DENND2C: variants seen among roughly 807,000 people sequenced by gnomAD.
The protein encoded by DENND2C is DENN domain containing 2C, also known as DENN domain-containing protein 2C.
In DENND2C, 72 loss-of-function variants were observed where a neutral mutation model predicts 112.4. That is an observed-to-expected ratio of 0.64 (90% CI 0.53 to 0.78). The LOEUF is 0.78. DENND2C is among the 30% of genes least tolerant of loss of function. DENND2C has a pLI of 0.00. For synonymous variants in DENND2C, 329 were observed against 381.6 expected (o/e 0.86, Z 1.61); for missense variants, 992 against 1,113.8 (o/e 0.89, Z 1.56).
At chr1:114,631,519 C>G (rs1049186739) in intron 3 of DENND2C, among the ~76,000 whole-genome samples, 2 of 151,526 alleles carry the variant, frequency 1.3e-5, no homozygotes, top group African/African-American at 4.9e-5. Context: ...CGTGGTGGCT[C>G]ACGCCTGTAA....
intron 3 of DENND2C, among the ~76,000 whole-genome samples, chr1:114,627,295 T>G (rs541456080): frequency 1.1e-4 from 16 of 152,352 alleles, no homozygotes; most frequent in African/African-American, 3.4e-4. Flanking sequence ...AGTTCTACTG[T>G]ATACTTGTTA....
chr1:114,668,049 G>A (rs2101704548), intron 1 of DENND2C, among the ~76,000 whole-genome samples: 1 of 152,136 alleles, frequency 6.6e-6, no homozygotes, highest in Admixed American at 6.5e-5. Context: ...TAGCCCACTT[G>A]GTAGAATGGA....
intron 19 of DENND2C, 56 bp from the exon 20 acceptor site, chr1:114,587,529 C>T: frequency 6.3e-7 from 1 of 1,588,510 alleles, no homozygotes; most frequent in Non-Finnish European, 8.6e-7. Flanking sequence ...CTGGGAATTA[C>T]ATAAAATTCT....
rs569568632 is a variant in DENND2C, at chr1:114,611,672, T to C, written c.1325-555A>G. On this transcript the variant is annotated intron_variant, in intron 8 of 20. Transcript: ENST00000393274. ...CAAATTCTCACAGTACTCATACTGCTTTGAACTATTCTTACTTTCCCCAAT... is the reference window on the plus strand; with the variant it reads ...CAAATTCTCACAGTACTCATACTGCCTTGAACTATTCTTACTTTCCCCAAT... 5.9e-5 allele frequency among the ~76,000 whole-genome samples: 9 copies of C among 152,282 alleles called. No individual in the cohort carries two copies. In the South Asian group the frequency reaches 1.9e-3, roughly 32 times the overall value.
Position 114,623,089 on chromosome 1 carries a change from T to G in DENND2C, c.954A>C (p.Lys318Asn), listed in dbSNP as rs776400723. ...NIYEDIIYPT[K>N]ENPYEDIPVQ... Reference sequence around the variant, plus strand: ...CTGGAATATCTTCATATGGATTTTCTTTGGTGGGATCTTAAAAAATAATTT... The same window carrying G: ...CTGGAATATCTTCATATGGATTTTCGTTGGTGGGATCTTAAAAAATAATTT... Residue 318 changes from lysine to asparagine, a missense_variant, in exon 6 of 21, where the codon AAA becomes AAC. This residue lies in a region of DENND2C where 470 missense variants were observed against 472.7 expected (regional missense o/e 0.99). Coordinates refer to ENST00000393274, the MANE Select transcript of DENND2C (RefSeq NM_001256404.2). 1 of 1,606,284 alleles carries G rather than the reference T, an allele frequency of 6.2e-7. No homozygotes were observed. The highest frequency in any genetic ancestry group is 1.1e-5 in the South Asian group (1 of 88,780).
chr1:114,609,020 C>T, intron 9 of DENND2C, 147 bp from the exon 10 acceptor site: 2 of 879,754 alleles, frequency 2.3e-6, no homozygotes, highest in Non-Finnish European at 1.7e-6. Context: ...CATAGACATA[C>T]CTGTTAAGGC....
chr1:114,654,585 T>C lies in DENND2C; in HGVS notation c.-397A>G, dbSNP rs187447366. The C allele has an allele frequency of 6.6e-6, 1 of 152,260 alleles. No homozygotes were observed. The highest frequency in any genetic ancestry group is 2.4e-5 in the African/African-American group (1 of 41,550). The allele number at this position is 152,260 out of a possible 1,614,324, so 9.4% of individuals were successfully genotyped here. A position where few individuals can be genotyped will look rare whatever the true frequency, so the allele number is the denominator to read the frequency against. ...AGAATTAAAACAGCAAGAACAGTGA[T>C]TACACTTCATTAAATATTTTGTTAA... On this transcript the variant is annotated 5_prime_UTR_variant, in exon 2 of 21. Coordinates refer to ENST00000393274, the MANE Select transcript of DENND2C (RefSeq NM_001256404.2).
At chr1:114,661,106 CAAAAAA>C (rs61417132) in intron 1 of DENND2C, among the ~76,000 whole-genome samples, 1 of 102,678 alleles carries the variant, frequency 9.7e-6, no homozygotes, top group African/African-American at 3.7e-5. Flanking sequence ...GACTCCGTCT[CAAAAAA>C]AAAAAAAAAA....
In DENND2C at chr1:114,594,587, GA is replaced by G. The variant is rs761187927; in HGVS notation, c.2326-10del. 114 of 1,571,734 alleles carry G rather than the reference GA, an allele frequency of 7.3e-5. No individual in the cohort carries two copies. The highest frequency in any genetic ancestry group is 9.1e-5 in the East Asian group (4 of 44,044). On this transcript the variant is annotated splice_polypyrimidine_tract_variant and intron_variant, in intron 17 of 20. Coordinates refer to ENST00000393274, the MANE Select transcript of DENND2C (RefSeq NM_001256404.2). ...TCATCCTCATCAGATACCTTAAGAA[GA>G]AAAAAAAATGGAGATTTTTCTTTGT...
chr1:114,662,711 G>A (rs974485456), intron 1 of DENND2C, among the ~76,000 whole-genome samples: 1 of 152,132 alleles, frequency 6.6e-6, no homozygotes, highest in African/African-American at 2.4e-5. Context: ...TACCCCCAGC[G>A]CTTTGGGAGG....
Position 114,583,427 on chromosome 1 carries a change from C to G in DENND2C, c.*2173G>C, listed in dbSNP as rs1174635127. The G allele has an allele frequency of 1.3e-5, 2 of 152,066 alleles. No individual in the cohort carries two copies. The highest frequency in any genetic ancestry group is 2.9e-5 in the Non-Finnish European group (2 of 68,036). 9.4% of individuals were successfully genotyped at this position (152,066 alleles called of 1,614,324 possible). ...GCAGAAACTGAAGAAAACAAACTGA[C>G]ATTTGCTATAACATTAATCAATGAA... On this transcript the variant is annotated 3_prime_UTR_variant, in exon 21 of 21. Transcript: ENST00000393274.
At position 114,601,584 on chromosome 1, in the gene DENND2C, G is replaced by C; in HGVS notation, c.1739C>G (p.Pro580Arg). The change falls in exon 13 of 21, where the codon CCA (proline) becomes CGA (arginine). Residue 580 changes from proline (P) to arginine (R), a missense_variant and splice_region_variant. By Grantham distance (103) the Pro-to-Arg change is moderately radical. Transcript: ENST00000393274. ...RWFGYCKKLLPVGKGKRLPEV... is the reference protein window; with the variant it reads ...RWFGYCKKLLRVGKGKRLPEV... ...AGGGAGTCGCTTTCCTTTGCCTACT[G>C]GCTAAAAGATAAAAACAACAACAAC... The C allele has an allele frequency of 6.2e-7, 1 of 1,609,934 alleles. No individual in the cohort carries two copies. The highest frequency in any genetic ancestry group is 8.5e-7 in the Non-Finnish European group (1 of 1,178,150).
chr1:114,613,247 C>T (rs1655872100), intron 8 of DENND2C, among the ~76,000 whole-genome samples: 1 of 152,036 alleles, frequency 6.6e-6, no homozygotes, highest in African/African-American at 2.4e-5. Flanking sequence ...ATTAATTAAG[C>T]TTTTTTAAAA....
intron 15 of DENND2C, 91 bp from the exon 16 acceptor site, chr1:114,599,542 T>C: frequency 9.3e-7 from 1 of 1,074,652 alleles, no homozygotes; most frequent in Non-Finnish European, 1.3e-6. Flanking sequence ...AAATTGATGC[T>C]GGTTAGTGAT....
At chr1:114,630,170 T>G (rs145498240) in intron 3 of DENND2C, among the ~76,000 whole-genome samples, 2,720 of 152,072 alleles carry the variant, frequency 0.018, 37 homozygotes, top group Non-Finnish European at 0.031. Context: ...CTGGGCATGG[T>G]GGCATACGCC....
chr1:114,585,822 T>C (rs972995274), intron 20 of DENND2C, among the ~76,000 whole-genome samples, 191 bp from the exon 21 acceptor site: 6 of 152,192 alleles, frequency 3.9e-5, no homozygotes, highest in African/African-American at 1.4e-4. Flanking sequence ...GTCTAGTTAA[T>C]TGTAGCGGCA....
intron 10 of DENND2C, among the ~76,000 whole-genome samples, chr1:114,606,807 G>T (rs1356439848): frequency 6.6e-6 from 1 of 152,184 alleles, no homozygotes; most frequent in Non-Finnish European, 1.5e-5. Flanking sequence ...CCCACAAGGT[G>T]CTGGGTTTCC....
chr1:114,601,688 C>G (rs1655508696), intron 12 of DENND2C, 103 bp from the exon 13 acceptor site: 1 of 922,774 alleles, frequency 1.1e-6, no homozygotes, highest in Non-Finnish European at 1.7e-6. Flanking sequence ...TAGTACGGAG[C>G]AGTAACCAAG....
intron 1 of DENND2C, among the ~76,000 whole-genome samples, chr1:114,655,975 T>C (rs1397568775): frequency 2.0e-5 from 3 of 151,486 alleles, no homozygotes; most frequent in African/African-American, 7.3e-5. Flanking sequence ...CATTTAATGG[T>C]AATGCCAGTA....
Sources: gnomAD v4.1 joint callset for allele counts (sites outside exome capture counted in the v4.1 genomes callset) on GRCh38, gnomAD v4.1.1 for gene constraint, gnomAD v4.1.1 regional missense constraint, MANE v1.5 for transcripts, NCBI Gene and HGNC (gene_info 2026-07-23, HGNC 2026-07-21) for gene names.